Variants in CDH18 observed in about 807,000 individuals in gnomAD.
CDH18 encodes cadherin-18.
A neutral mutation model predicts 67.9 loss-of-function variants in CDH18; 31 were observed. That is an observed-to-expected ratio of 0.46 (90% CI 0.34 to 0.62). CDH18 has a LOEUF of 0.62. CDH18 is among the 20% of genes least tolerant of loss of function. The pLI is 0.01. For missense variants in CDH18, 890 were observed against 975.5 expected, an observed-to-expected ratio of 0.91 and a Z score of 1.17; for synonymous variants, 362 against 347.2, an observed-to-expected ratio of 1.04 and a Z score of -0.48.
intron 1 of CDH18, among the ~76,000 whole-genome samples, chr5:20,537,255 T>C (rs1756776535): frequency 6.6e-6 from 1 of 152,174 alleles, no homozygotes; most frequent in African/African-American, 2.4e-5. Context: ...CGAAATAGTA[T>C]ATGTTTCCAA....
intron 2 of CDH18, among the ~76,000 whole-genome samples, chr5:20,013,866 A>G (rs1018425225): frequency 2.6e-5 from 4 of 152,134 alleles, no homozygotes; most frequent in African/African-American, 9.6e-5. Context: ...TGTTTTATAT[A>G]GCCAAGTATA....
chr5:19,863,400 A>G (rs1785110542), intron 2 of CDH18, among the ~76,000 whole-genome samples: 1 of 152,180 alleles, frequency 6.6e-6, no homozygotes. Context: ...AACACACTAC[A>G]GGTGAGTGAA....
intron 3 of CDH18, among the ~76,000 whole-genome samples, chr5:19,772,222 T>C (rs1254439776): frequency 6.6e-6 from 1 of 152,142 alleles, no homozygotes; most frequent in Non-Finnish European, 1.5e-5. Context: ...CTCAAAAATA[T>C]CCATGTCTTA....
At position 19,519,916 on chromosome 5, in the gene CDH18, A is replaced by G. The variant is rs1021630686; in HGVS notation, c.1512+741T>C. ...AACAGCCCTAGCAGACACCTTGATT[A>G]TAGTCTTGCGAGACTCTTGCAAAGA... On this transcript the variant is annotated intron_variant, in intron 10 of 12. Transcript: ENST00000382275. 1.3e-5 allele frequency among the ~76,000 whole-genome samples: 2 copies of G among 152,178 alleles called. 1 individual carries two copies. Among genetic ancestry groups the G allele is most frequent in the South Asian group, 4.1e-4 (2 of 4,834 alleles).
intron 3 of CDH18, among the ~76,000 whole-genome samples, chr5:19,835,381 G>A (rs1173343869): frequency 6.6e-6 from 1 of 151,810 alleles, no homozygotes; most frequent in Non-Finnish European, 1.5e-5. Flanking sequence ...GGGTGGGGAG[G>A]GAACTTAGAA....
intron 1 of CDH18, among the ~76,000 whole-genome samples, chr5:20,314,712 G>C (rs944088023): frequency 3.9e-5 from 6 of 151,976 alleles, no homozygotes; most frequent in African/African-American, 1.4e-4. Context: ...AAAAGCCTAA[G>C]TATACACATC....
intron 2 of CDH18, among the ~76,000 whole-genome samples, chr5:19,851,100 C>A (rs2149924595): frequency 6.6e-6 from 1 of 151,824 alleles, no homozygotes; most frequent in East Asian, 1.9e-4. Context: ...AACAACAAAA[C>A]AGTATAATGT....
Position 20,278,445 on chromosome 5 carries a change from T to C in CDH18, c.-579-22940A>G, listed in dbSNP as rs80114454. Among the ~76,000 whole-genome samples the C allele has an allele frequency of 4.4e-3, 664 of 152,048 alleles. 7 individuals carry two copies. The highest frequency in any genetic ancestry group is 0.015 in the African/African-American group (636 of 41,502). On this transcript the variant is annotated intron_variant, in intron 1 of 14. Coordinates refer to the CDH18 transcript ENST00000507958. ...TCAAACATAAAAAATAAATACAATC[T>C]TTCCCAGACAAAAAAAAGCTGAGAA...
At chr5:19,715,477 G>C (rs1487961438) in intron 5 of CDH18, among the ~76,000 whole-genome samples, 1 of 152,058 alleles carries the variant, frequency 6.6e-6, no homozygotes, top group Non-Finnish European at 1.5e-5. Flanking sequence ...ACCTCATCTA[G>C]AGACACTATT....
chr5:20,401,344 G>A (rs781222657), intron 1 of CDH18, among the ~76,000 whole-genome samples: 4 of 152,174 alleles, frequency 2.6e-5, no homozygotes, highest in Non-Finnish European at 4.4e-5. Context: ...TAAGATACGT[G>A]TATTAATTAC....
chr5:20,068,236 T>A (rs73055542), intron 2 of CDH18, among the ~76,000 whole-genome samples: 11,933 of 152,106 alleles, frequency 0.078, 923 homozygotes, highest in African/African-American at 0.2. Context: ...TATAAATGTT[T>A]AATCATACAT....
At chr5:20,518,087 T>C (rs13188919) in intron 1 of CDH18, among the ~76,000 whole-genome samples, 73,873 of 151,356 alleles carry the variant, frequency 0.49, 18,117 homozygotes, top group East Asian at 0.57. Flanking sequence ...AGTGGGGAAA[T>C]GTTCCAGTAA....
intron 1 of CDH18, among the ~76,000 whole-genome samples, chr5:20,537,875 G>A (rs2126576431): frequency 6.6e-6 from 1 of 152,232 alleles, no homozygotes; most frequent in East Asian, 1.9e-4. Context: ...TGTAGCAATT[G>A]GAAGTTGTGT....
At chr5:20,049,322 A>G (rs191686462) in intron 2 of CDH18, among the ~76,000 whole-genome samples, 1 of 151,318 alleles carries the variant, frequency 6.6e-6, no homozygotes, top group Non-Finnish European at 1.5e-5. Flanking sequence ...CACATACACA[A>G]AAAAAAATAC....
At chr5:19,964,255 C>T (rs7714720) in intron 2 of CDH18, among the ~76,000 whole-genome samples, 18,842 of 151,596 alleles carry the variant, frequency 0.12, 3,400 homozygotes, top group African/African-American at 0.4. Flanking sequence ...TTAATGACTG[C>T]GCAAATTTGG....
intron 5 of CDH18, among the ~76,000 whole-genome samples, chr5:19,674,171 A>C (rs1237229059): frequency 6.6e-6 from 1 of 152,104 alleles, no homozygotes; most frequent in African/African-American, 2.4e-5. Flanking sequence ...TAATGGATAA[A>C]AAACAAGAAA....
At chr5:20,241,570 G>T (rs950720965) in intron 2 of CDH18, among the ~76,000 whole-genome samples, 1 of 151,990 alleles carries the variant, frequency 6.6e-6, no homozygotes, top group African/African-American at 2.4e-5. Flanking sequence ...TATAGAAATC[G>T]GCCGGGTGGG....
At chr5:20,071,212 A>G (rs550243322) in intron 2 of CDH18, among the ~76,000 whole-genome samples, 2 of 152,242 alleles carry the variant, frequency 1.3e-5, no homozygotes, top group African/African-American at 4.8e-5. Flanking sequence ...TTTGTGCATC[A>G]GTGTATTTTT....
At position 19,928,733 on chromosome 5, in the gene CDH18, C is replaced by T. The variant is rs367554250; in HGVS notation, c.-257+52327G>A. Among the ~76,000 whole-genome samples the T allele has an allele frequency of 6.9e-4, 105 of 152,092 alleles. No homozygotes were observed. In the South Asian group the frequency reaches 0.019, roughly 27 times the overall value. On this transcript the variant is annotated intron_variant, in intron 2 of 12. Transcript: ENST00000382275. ...GAAAACAGCCCAGAGTGTGTACTGC[C>T]GCAAATCATCAGCTGAACTTAAACC...
Sources: gnomAD v4.1 joint callset for allele counts (sites outside exome capture counted in the v4.1 genomes callset) on GRCh38, gnomAD v4.1.1 for gene constraint, MANE v1.5 for transcripts, NCBI Gene and HGNC (gene_info 2026-07-23, HGNC 2026-07-21) for gene names.